AGXT2: variants seen among roughly 807,000 people sequenced by gnomAD.
AGXT2 encodes the protein alanine--glyoxylate aminotransferase 2, also known as alanine--glyoxylate aminotransferase 2, mitochondrial.
Under a neutral mutation model 62.5 loss-of-function variants are expected in AGXT2, and 61 were observed. The ratio of observed to expected loss-of-function variants is 0.98; its 90% CI spans 0.79 to 1.21. The LOEUF is 1.21. AGXT2 is among the 50% of genes most tolerant of loss of function. The pLI is 0.00. For missense variants in AGXT2, 666 were observed against 641.5 expected, an observed-to-expected ratio of 1.04 and a Z score of -0.41; for synonymous variants, 243 against 218.7, an observed-to-expected ratio of 1.11 and a Z score of -0.98.
chr5:35,036,799 G>T, intron 4 of AGXT2, 143 bp downstream of exon 4: 2 of 1,186,430 alleles, frequency 1.7e-6, no homozygotes, highest in Non-Finnish European at 2.4e-6. Flanking sequence ...GATGTTCAGT[G>T]CACAGGCTAA....
intron 6 of AGXT2, chr5:35,033,223 T>C (rs1048215395): frequency 3.8e-6 from 2 of 526,034 alleles, no homozygotes; most frequent in Non-Finnish European, 6.8e-6. Flanking sequence ...TGCAGTTTAC[T>C]TGATTTTATT....
intron 12 of AGXT2, among the ~76,000 whole-genome samples, chr5:35,004,632 A>T (rs1766355322): frequency 6.6e-6 from 1 of 152,206 alleles, no homozygotes; most frequent in Non-Finnish European, 1.5e-5. Flanking sequence ...CTTTCAAATG[A>T]CAGATATTTG....
At chr5:35,040,954 G>A (rs558739220) in intron 1 of AGXT2, among the ~76,000 whole-genome samples, 6 of 152,116 alleles carry the variant, frequency 3.9e-5, no homozygotes, top group Admixed American at 6.5e-5. Context: ...TCACCGTGTC[G>A]ATTCTCTCAT....
chr5:35,008,199 G>T (rs1362691289), intron 12 of AGXT2, among the ~76,000 whole-genome samples: 1 of 152,152 alleles, frequency 6.6e-6, no homozygotes, highest in African/African-American at 2.4e-5. Flanking sequence ...CCACAATATG[G>T]CTTGCACATA....
chr5:35,030,270 G>A (rs1362780037), intron 7 of AGXT2, among the ~76,000 whole-genome samples: 1 of 152,180 alleles, frequency 6.6e-6, no homozygotes, highest in Non-Finnish European at 1.5e-5. Context: ...CACTTTGGGA[G>A]GCCAAGGCGA....
At chr5:35,034,462 T>A (rs546959612) in intron 5 of AGXT2, among the ~76,000 whole-genome samples, 3 of 152,326 alleles carry the variant, frequency 2.0e-5, no homozygotes, top group Admixed American at 2.0e-4. Flanking sequence ...AAATCTTCTT[T>A]TGAATTCACA....
intron 13 of AGXT2, among the ~76,000 whole-genome samples, 185 bp downstream of exon 13, chr5:35,003,578 C>T (rs924439502): frequency 1.4e-5 from 2 of 145,314 alleles, no homozygotes; most frequent in African/African-American, 2.5e-5. Flanking sequence ...CTGTCTCCGC[C>T]TTTTTTTTTT....
At chr5:35,007,186 C>T (rs62357033) in intron 12 of AGXT2, among the ~76,000 whole-genome samples, 28,700 of 152,130 alleles carry the variant, frequency 0.19, 3,430 homozygotes, top group South Asian at 0.3. Context: ...TAGGTGAGGG[C>T]ACAGCAAGAA....
At chr5:35,034,565 A>G (rs1767696572) in intron 5 of AGXT2, among the ~76,000 whole-genome samples, 1 of 152,178 alleles carries the variant, frequency 6.6e-6, no homozygotes, top group African/African-American at 2.4e-5. Context: ...CATTAACTTT[A>G]CAGGAGTCTG....
chr5:35,010,190 T>C, intron 11 of AGXT2, 41 bp from the exon 12 acceptor site: 1 of 1,613,242 alleles, frequency 6.2e-7, no homozygotes, highest in Admixed American at 1.7e-5. Context: ...ATGGCAGAAG[T>C]TCTAAGATTG....
At chr5:35,017,400 C>T (rs189798415) in intron 9 of AGXT2, among the ~76,000 whole-genome samples, 1 of 152,306 alleles carries the variant, frequency 6.6e-6, no homozygotes, top group Non-Finnish European at 1.5e-5. Flanking sequence ...ATAATTCCCA[C>T]GTGTTGTGGG....
chr5:35,040,894 T>G (rs1561235439), intron 1 of AGXT2, among the ~76,000 whole-genome samples: 2 of 152,216 alleles, frequency 1.3e-5, no homozygotes, highest in East Asian at 3.9e-4. Context: ...TCTACGGCAG[T>G]CCCTCACAAA....
intron 12 of AGXT2, among the ~76,000 whole-genome samples, chr5:35,007,762 C>T (rs1383908609): frequency 6.6e-6 from 1 of 152,130 alleles, no homozygotes; most frequent in African/African-American, 2.4e-5. Context: ...TTTGGCCCTC[C>T]AAACCTCAAA....
At chr5:35,019,853 A>T (rs952804954) in intron 9 of AGXT2, among the ~76,000 whole-genome samples, 2 of 152,208 alleles carry the variant, frequency 1.3e-5, no homozygotes, top group African/African-American at 4.8e-5. Flanking sequence ...AAAAGAGAGA[A>T]GAATCAAATA....
chr5:35,041,990 G>A (rs903034653), intron 1 of AGXT2, among the ~76,000 whole-genome samples: 1 of 152,096 alleles, frequency 6.6e-6, no homozygotes, highest in African/African-American at 2.4e-5. Context: ...CTTTTAAAAA[G>A]CTTTTCATTG....
intron 9 of AGXT2, among the ~76,000 whole-genome samples, chr5:35,023,421 G>A (rs1767195366): frequency 6.6e-6 from 1 of 152,164 alleles, no homozygotes; most frequent in African/African-American, 2.4e-5. Context: ...CCTCGCGATA[G>A]TCCTTCTTGA....
At chr5:35,027,905 A>C (rs1045955141) in intron 7 of AGXT2, among the ~76,000 whole-genome samples, 4 of 150,656 alleles carry the variant, frequency 2.7e-5, no homozygotes, top group African/African-American at 9.8e-5. Flanking sequence ...TCCATTCAGC[A>C]CCAGAATCCT....
chr5:35,029,267 A>G (rs114295061), intron 7 of AGXT2, among the ~76,000 whole-genome samples: 1 of 152,220 alleles, frequency 6.6e-6, no homozygotes, highest in Admixed American at 6.5e-5. Context: ...ACCCTAAAAG[A>G]TGGATCAGAC....
rs759053806 is a variant in AGXT2, at chr5:35,012,970, C to T, written c.1172G>A (p.Gly391Glu). The change falls in exon 11 of 14, where the codon GGA (glycine) becomes GAA (glutamate). Residue 391 changes from glycine to glutamate, a missense_variant. By Grantham distance (98) the Gly-to-Glu change is moderately conservative. Transcript: ENST00000231420. ...GGAACCAACCTCAAGCACAGCAGAT[C>T]CAATGGCACAGGCCATGGGGTTCCC... ...FGGNPMACAI[G>E]SAVLEVIKEE... The T allele has an allele frequency of 1.3e-6, 2 of 1,551,602 alleles. No individual in the cohort carries two copies. The highest frequency in any genetic ancestry group is 3.9e-5 in the Admixed American group (2 of 50,986).
Sources: allele counts gnomAD v4.1 joint callset (sites outside exome capture counted in the v4.1 genomes callset), GRCh38; gene constraint gnomAD v4.1.1; transcripts MANE v1.5; gene names NCBI Gene and HGNC (gene_info 2026-07-23, HGNC 2026-07-21).